The following DNMBP variants were observed in gnomAD, a reference collection of about 807,000 sequenced individuals.
DNMBP encodes dynamin binding protein, also known as dynamin-binding protein.
A neutral mutation model predicts 150.0 loss-of-function variants in DNMBP; 87 were observed. The observed-to-expected ratio is 0.58, with a 90% confidence interval of 0.49 to 0.69. The LOEUF (loss-of-function observed/expected upper bound fraction) is 0.69, where lower values mean the gene tolerates loss of function less well. DNMBP is among the 30% of genes least tolerant of loss of function. The pLI, the probability that DNMBP is intolerant of heterozygous loss-of-function variation, is 0.00. For missense variants in DNMBP, 1,774 were observed against 1,949.0 expected (o/e 0.91, Z 1.69); for synonymous variants, 711 against 750.4 (o/e 0.95, Z 0.86).
At chr10:99,905,109 A>G (rs760660105) in intron 6 of DNMBP, among the ~76,000 whole-genome samples, 4 of 152,322 alleles carry the variant, frequency 2.6e-5, no homozygotes, top group Non-Finnish European at 5.9e-5. Context: ...ACTTATTTCA[A>G]GTGCCTTAAA....
chr10:99,885,537 T>G, intron 14 of DNMBP, 150 bp downstream of exon 14: 12 of 730,222 alleles, frequency 1.6e-5, no homozygotes, highest in South Asian at 2.6e-5. Context: ...GGCGAATGCA[T>G]GAGCCCATGA....
At chr10:99,939,751 C>T (rs746766076) in intron 4 of DNMBP, among the ~76,000 whole-genome samples, 7 of 152,236 alleles carry the variant, frequency 4.6e-5, no homozygotes, top group Admixed American at 1.3e-4. Context: ...TTGCAACTTC[C>T]GCAATCACCC....
At chr10:99,947,771 A>C (rs116334467) in intron 4 of DNMBP, among the ~76,000 whole-genome samples, 3,804 of 152,254 alleles carry the variant, frequency 0.025, 95 homozygotes, top group African/African-American at 0.066. Context: ...TAAAATACTA[A>C]ATATTTGTGG....
At chr10:99,933,482 T>C (rs2040183889) in intron 4 of DNMBP, among the ~76,000 whole-genome samples, 5 of 151,742 alleles carry the variant, frequency 3.3e-5, no homozygotes, top group African/African-American at 9.7e-5. Flanking sequence ...CTGTTGAAAA[T>C]AGACAGGAAA....
At chr10:99,888,983 G>C (rs1436479854) in intron 11 of DNMBP, 30 bp from the exon 12 acceptor site, 3 of 1,610,516 alleles carry the variant, frequency 1.9e-6, no homozygotes, top group Admixed American at 1.7e-5. Context: ...ACACAAGTCA[G>C]AACAGACAGA....
chr10:99,940,691 G>A (rs548262325), intron 4 of DNMBP, among the ~76,000 whole-genome samples: 2 of 152,084 alleles, frequency 1.3e-5, no homozygotes, highest in African/African-American at 2.4e-5. Flanking sequence ...AAAACTCTTC[G>A]AAAGACTTTT....
At chr10:99,988,394 T>A (rs1282837377) in intron 1 of DNMBP, among the ~76,000 whole-genome samples, 1 of 152,144 alleles carries the variant, frequency 6.6e-6, no homozygotes, top group Non-Finnish European at 1.5e-5. Context: ...CCTGGCCCAC[T>A]GGGTACAGGA....
At position 99,955,877 on chromosome 10, in the gene DNMBP, C is replaced by T. The variant is rs751241870; in HGVS notation, c.1597G>A (p.Val533Ile). Reference protein sequence around the residue: ...MKPGPQAQGLVMEAATHSQGD... With the variant: ...MKPGPQAQGLIMEAATHSQGD... Reference sequence around the variant, plus strand: ...TGTGAATGTGTTGCTGCTTCCATAACAAGCCCTTGGGCTTGCGGACCAGGC... The same window carrying T: ...TGTGAATGTGTTGCTGCTTCCATAATAAGCCCTTGGGCTTGCGGACCAGGC... Residue 533 changes from valine (V) to isoleucine (I), a missense_variant, in exon 4 of 17, where the codon GTT becomes ATT. This residue lies in a region of DNMBP where 1,430 missense variants were observed against 1,492.5 expected (regional missense o/e 0.96). Coordinates refer to ENST00000324109, the MANE Select transcript of DNMBP (RefSeq NM_015221.4). The T allele has an allele frequency of 4.3e-6, 7 of 1,614,210 alleles. No homozygotes were observed. The highest frequency in any genetic ancestry group is 3.3e-5 in the Admixed American group (2 of 60,024).
intron 11 of DNMBP, among the ~76,000 whole-genome samples, chr10:99,889,660 G>A (rs1259412762): frequency 6.6e-6 from 1 of 152,056 alleles, no homozygotes; most frequent in Non-Finnish European, 1.5e-5. Context: ...AGACCAGCCT[G>A]GCCAGCATGG....
At position 99,885,854 on chromosome 10, in the gene DNMBP, C is replaced by A. The variant is rs761350540; in HGVS notation, c.3631G>T (p.Ala1211Ser). ...GCAATAAGGTTTCCCTCTCTGCCAGCCACTTTGAGTAACTGGGGTCCATGG... is the reference window on the plus strand; with the variant it reads ...GCAATAAGGTTTCCCTCTCTGCCAGACACTTTGAGTAACTGGGGTCCATGG... The part of the protein sequence containing the change: ...LKPLLSLLKV[A>S]GREGNLIAIF... The change falls in exon 14 of 17, where the codon GCT (alanine) becomes TCT (serine). Residue 1211 changes from alanine to serine, a missense_variant. By Grantham distance (99) the Ala-to-Ser change is moderately conservative (BLOSUM62 1). This residue lies in a region of DNMBP where 1,430 missense variants were observed against 1,492.5 expected (regional missense o/e 0.96). Transcript: ENST00000324109. 6.2e-7 allele frequency: 1 copy of A among 1,611,690 alleles called. No individual in the cohort carries two copies. The highest frequency in any genetic ancestry group is 8.5e-7 in the Non-Finnish European group (1 of 1,178,808).
chr10:99,946,563 A>G (rs2040359322), intron 4 of DNMBP, among the ~76,000 whole-genome samples: 2 of 152,248 alleles, frequency 1.3e-5, no homozygotes, highest in Non-Finnish European at 1.5e-5. Flanking sequence ...CATATGCAGA[A>G]GAATGAAACT....
At chr10:99,939,938 G>A (rs939996218) in intron 4 of DNMBP, among the ~76,000 whole-genome samples, 10 of 152,272 alleles carry the variant, frequency 6.6e-5, no homozygotes, top group African/African-American at 9.6e-5. Flanking sequence ...GGTTGCATCC[G>A]CAACCAATCA....
chr10:99,944,374 C>T (rs1031226671), intron 4 of DNMBP, among the ~76,000 whole-genome samples: 1 of 151,998 alleles, frequency 6.6e-6, no homozygotes, highest in Non-Finnish European at 1.5e-5. Context: ...GTGAACCTCA[C>T]CAAGAGATAG....
chr10:99,956,738 TC>T lies in DNMBP; in HGVS notation c.735del (p.Thr246ProfsTer40). ...IGPDEDEEEP[G>X]TYGVALYRFQ... ...AATCTGTACAGGGCGACCCCATAGG[TC>T]CCTGGCTCCTCCTCATCCTCATCCG... is the stretch of plus-strand genomic sequence containing the variant. On this transcript the variant is annotated frameshift_variant, in exon 4 of 17. Coordinates refer to ENST00000324109, the MANE Select transcript of DNMBP (RefSeq NM_015221.4). LOFTEE classifies it high-confidence loss of function. 1 of 1,614,090 alleles carries T rather than the reference TC, an allele frequency of 6.2e-7. No individual in the cohort carries two copies. The highest frequency in any genetic ancestry group is 8.5e-7 in the Non-Finnish European group (1 of 1,180,014).
At chr10:99,978,466 T>C (rs1324742945) in intron 1 of DNMBP, among the ~76,000 whole-genome samples, 2 of 152,244 alleles carry the variant, frequency 1.3e-5, no homozygotes, top group Non-Finnish European at 2.9e-5. Flanking sequence ...TTTGGATGCA[T>C]TTCAAATATA....
chr10:99,956,130 G>C lies in DNMBP; in HGVS notation c.1344C>G (p.Pro448=). The change falls in exon 4 of 17, where the codon CCC becomes CCG. Residue 448 remains proline (P), a synonymous_variant. Transcript: ENST00000324109. ...CATAGTCTCTAGTCCTTGCTTCTAG[G>C]GGAAGAAGGTCGGGGTACTGTTCTG... ...PHSEQYPDLL[P]LEARTRDYAS... is the part of the protein sequence containing the mutation. 1 of 1,614,122 alleles carries C rather than the reference G, an allele frequency of 6.2e-7. No homozygotes were observed. The highest frequency in any genetic ancestry group is 8.5e-7 in the Non-Finnish European group (1 of 1,180,020).
chr10:99,901,809 C>A lies in DNMBP; in HGVS notation c.2555-1743G>T, dbSNP rs1457930859. Reference sequence around the variant, plus strand: ...ATCCCTACCAGCTGTCCAGGCACGACCCCTCCCCTCAGGGAGCCTATCGCT... The same window carrying A: ...ATCCCTACCAGCTGTCCAGGCACGAACCCTCCCCTCAGGGAGCCTATCGCT... On this transcript the variant is annotated intron_variant, in intron 6 of 16. Coordinates refer to ENST00000324109, the MANE Select transcript of DNMBP (RefSeq NM_015221.4). Among the ~76,000 whole-genome samples the A allele has an allele frequency of 3.9e-5, 6 of 152,344 alleles. No homozygotes were observed. In the East Asian group the frequency reaches 5.8e-4, roughly 15 times the overall value.
intron 1 of DNMBP, among the ~76,000 whole-genome samples, chr10:99,988,656 T>TTTTA (rs1219674653): frequency 9.9e-5 from 15 of 151,934 alleles, no homozygotes; most frequent in Admixed American, 3.3e-4. Context: ...TTATTTTTAT[T>TTTTA]TTTATTTATT....
chr10:99,903,920 G>GATT (rs1312154804), intron 6 of DNMBP, among the ~76,000 whole-genome samples: 1 of 149,800 alleles, frequency 6.7e-6, no homozygotes, highest in African/African-American at 2.5e-5. Context: ...AAATAGAATG[G>GATT]ATTTTTTTTT....
Sources: allele counts gnomAD v4.1 joint callset (sites outside exome capture counted in the v4.1 genomes callset), GRCh38; gene constraint gnomAD v4.1.1; regional missense constraint gnomAD v4.1.1; transcripts MANE v1.5; gene names NCBI Gene and HGNC (gene_info 2026-07-23, HGNC 2026-07-21).